The following DMD variants were observed in gnomAD, a reference collection of about 807,000 sequenced individuals.
DMD encodes the protein mutant dystrophin.
In DMD, 63 loss-of-function variants were observed where a neutral mutation model predicts 330.1. That is an observed-to-expected ratio of 0.19 (90% CI 0.16 to 0.24). The LOEUF (loss-of-function observed/expected upper bound fraction) is 0.24, where lower values mean the gene tolerates loss of function less well. DMD is among the 10% of genes least tolerant of loss of function. The pLI is 1.00. For missense variants in DMD, 3,344 were observed against 2,684.1 expected, an observed-to-expected ratio of 1.25 and a Z score of -5.43; for synonymous variants, 1,223 against 959.8, an observed-to-expected ratio of 1.27 and a Z score of -5.07.
intron 63 of DMD, among the ~76,000 whole-genome samples, chrX:31,231,377 T>C (rs1483406865): frequency 9.0e-6 from 1 of 111,603 alleles, no homozygotes; most frequent in East Asian, 2.8e-4. Context: ...ATACTACTGA[T>C]TAAAAAAGAC....
chrX:32,521,157 A>G (rs1251012772), intron 17 of DMD, among the ~76,000 whole-genome samples: 1 of 111,666 alleles, frequency 9.0e-6, no homozygotes, highest in Non-Finnish European at 1.9e-5. Context: ...CAAGCATCTG[A>G]GTCCATCCAA....
intron 61 of DMD, among the ~76,000 whole-genome samples, chrX:31,342,933 C>T (rs2057852426): frequency 1.8e-5 from 2 of 111,182 alleles, no homozygotes; most frequent in African/African-American, 3.3e-5. Flanking sequence ...AGTGCCACCA[C>T]GCCCAGCTAA....
intron 56 of DMD, among the ~76,000 whole-genome samples, chrX:31,506,221 T>G (rs189693759): frequency 1.9e-3 from 210 of 111,602 alleles, no homozygotes; most frequent in African/African-American, 6.5e-3. Context: ...ATTTTCCTCC[T>G]TATAGAAGTA....
intron 7 of DMD, among the ~76,000 whole-genome samples, chrX:32,748,588 A>G (rs1358704542): frequency 9.0e-6 from 1 of 111,644 alleles, no homozygotes; most frequent in East Asian, 2.8e-4. Flanking sequence ...CCCATGCATT[A>G]CATGTATTAT....
chrX:31,901,441 T>C (rs2094420987), intron 47 of DMD, among the ~76,000 whole-genome samples: 1 of 111,720 alleles, frequency 9.0e-6, no homozygotes, highest in South Asian at 3.7e-4. Flanking sequence ...TCTTTTGTGG[T>C]CCAAGGCCAT....
At chrX:32,653,997 A>AT (rs1473948005) in intron 9 of DMD, among the ~76,000 whole-genome samples, 6 of 111,859 alleles carry the variant, frequency 5.4e-5, no homozygotes, top group Non-Finnish European at 9.4e-5. Flanking sequence ...TTGCACATTG[A>AT]TTTGTATCCT....
chrX:32,223,884 A>T (rs1376256071), intron 43 of DMD, among the ~76,000 whole-genome samples: 1 of 111,633 alleles, frequency 9.0e-6, no homozygotes, highest in Non-Finnish European at 1.9e-5. Context: ...TGTAAAGATG[A>T]CAAAAATCTT....
intron 47 of DMD, among the ~76,000 whole-genome samples, chrX:31,893,036 T>C (rs2094280816): frequency 8.9e-6 from 1 of 112,273 alleles, no homozygotes; most frequent in African/African-American, 3.2e-5. Context: ...TTTTATTCTA[T>C]AGTAGGAATA....
chrX:32,183,334 A>C (rs1603627805), intron 44 of DMD, among the ~76,000 whole-genome samples: 1 of 110,055 alleles, frequency 9.1e-6, no homozygotes, highest in African/African-American at 3.3e-5. Context: ...GCTTTGAAGA[A>C]AATAAACAAG....
chrX:31,821,727 A>G (rs941564370), intron 49 of DMD, among the ~76,000 whole-genome samples: 8 of 112,421 alleles, frequency 7.1e-5, no homozygotes, highest in Non-Finnish European at 1.3e-4. Context: ...ACCAGTGCCT[A>G]TAAGAGATAA....
chrX:31,511,246 A>C, intron 55 of DMD, among the ~76,000 whole-genome samples: 1 of 108,123 alleles, frequency 9.2e-6, no homozygotes, highest in Middle Eastern at 4.8e-3. Context: ...ACATAATATA[A>C]TATAATATAA....
In DMD at chrX:32,491,449, T is replaced by G; in HGVS notation, c.2450A>C (p.Gln817Pro). The change falls in exon 20 of 79, where the codon CAG (glutamine) becomes CCG (proline). Residue 817 changes from glutamine to proline, a missense_variant. Transcript: ENST00000357033. ...CCAGTTAAGTCTCTCACTTAGCAAC[T>G]GGCAGAATTCGATCCACCGGCTGTT... Reference protein sequence around the residue: ...QLNSRWIEFCQLLSERLNWLE... With the variant: ...QLNSRWIEFCPLLSERLNWLE... 8.3e-7 allele frequency: 1 copy of G among 1,211,329 alleles called. No individual in the cohort carries two copies. The highest frequency in any genetic ancestry group is 1.1e-6 in the Non-Finnish European group (1 of 895,098).
chrX:32,765,118 A>T (rs895031984), intron 7 of DMD, among the ~76,000 whole-genome samples: 1 of 110,392 alleles, frequency 9.1e-6, no homozygotes, highest in Non-Finnish European at 1.9e-5. Flanking sequence ...TGATCAACTC[A>T]TTTATTCATT....
At chrX:32,194,367 C>CA (rs2096989023) in intron 44 of DMD, among the ~76,000 whole-genome samples, 1 of 112,233 alleles carries the variant, frequency 8.9e-6, no homozygotes, top group South Asian at 3.7e-4. Flanking sequence ...TTCCAACCCT[C>CA]ACCCAGAGGT....
At chrX:32,328,859 T>A (rs1418220739) in intron 41 of DMD, among the ~76,000 whole-genome samples, 2 of 111,689 alleles carry the variant, frequency 1.8e-5, no homozygotes, top group East Asian at 2.8e-4. Flanking sequence ...ATTAAAAAAC[T>A]TTGCTTTATG....
At chrX:33,270,520 C>T (rs1055325199) in intron 1 of DMD, among the ~76,000 whole-genome samples, 1 of 103,797 alleles carries the variant, frequency 9.6e-6, no homozygotes, top group Non-Finnish European at 1.9e-5. Flanking sequence ...GGGACATTTA[C>T]AATCAACCCC....
At chrX:31,368,912 C>T (rs1419961984) in intron 60 of DMD, among the ~76,000 whole-genome samples, 1 of 111,566 alleles carries the variant, frequency 9.0e-6, no homozygotes, top group Non-Finnish European at 1.9e-5. Flanking sequence ...TCCCAAAGTA[C>T]TGGTATTACA....
intron 44 of DMD, among the ~76,000 whole-genome samples, chrX:31,999,439 G>C (rs2095610828): frequency 8.9e-6 from 1 of 111,806 alleles, no homozygotes; most frequent in Admixed American, 9.5e-5. Flanking sequence ...TTAGCCTTTT[G>C]AGTTTGGCTA....
intron 33 of DMD, among the ~76,000 whole-genome samples, chrX:32,383,523 C>T (rs2097938745): frequency 9.0e-6 from 1 of 111,095 alleles, no homozygotes; most frequent in Non-Finnish European, 1.9e-5. Context: ...GAATATAGGA[C>T]TTACAGCATT....
Sources: allele counts gnomAD v4.1 joint callset (sites outside exome capture counted in the v4.1 genomes callset), GRCh38; gene constraint gnomAD v4.1.1; transcripts MANE v1.5; gene names NCBI Gene and HGNC (gene_info 2026-07-23, HGNC 2026-07-21).